Variants in SEC22C observed in about 807,000 individuals in gnomAD.
SEC22C encodes the protein vesicle-trafficking protein SEC22c.
A neutral mutation model predicts 34.7 loss-of-function variants in SEC22C; 29 were observed. The ratio of observed to expected loss-of-function variants is 0.84; its 90% CI spans 0.62 to 1.14. The LOEUF (loss-of-function observed/expected upper bound fraction) is 1.14. SEC22C is among the 50% of genes most tolerant of loss of function. SEC22C has a pLI of 0.00. For synonymous variants in SEC22C, 117 were observed against 132.8 expected (o/e 0.88, Z 0.82); for missense variants, 337 against 369.0 (o/e 0.91, Z 0.71).
upstream of SEC22C, among the ~76,000 whole-genome samples, chr3:42,582,797 T>C (rs1244515508): frequency 1.3e-5 from 2 of 152,120 alleles, no homozygotes; most frequent in South Asian, 2.1e-4. Flanking sequence ...ATGGAGAGAT[T>C]AGCATGTATA....
At chr3:42,587,274 G>A (rs1704643607) in intron 1 of SEC22C, 1 of 152,204 alleles carries the variant, frequency 6.6e-6, no homozygotes, top group South Asian at 2.1e-4. Flanking sequence ...CTGGACACCT[G>A]TGTCCTGCTT....
At chr3:42,560,118 CTCTA>C (rs57863658) in intron 4 of SEC22C, among the ~76,000 whole-genome samples, 6,015 of 90,366 alleles carry the variant, frequency 0.067, 295 homozygotes, top group African/African-American at 0.22. Flanking sequence ...CTCTCTCTCT[CTCTA>C]TATATATATA....
At chr3:42,578,453 A>C (rs755223332) in intron 1 of SEC22C, among the ~76,000 whole-genome samples, 5 of 152,192 alleles carry the variant, frequency 3.3e-5, no homozygotes, top group African/African-American at 1.2e-4. Flanking sequence ...ATGAATGAAC[A>C]GCCAAAGGCA....
upstream of SEC22C, chr3:42,582,330 T>C (rs1437738872): frequency 1.3e-5 from 2 of 152,264 alleles, no homozygotes; most frequent in Non-Finnish European, 1.5e-5. Context: ...GACAGAGTGA[T>C]AACGCCCGGG....
intron 1 of SEC22C, among the ~76,000 whole-genome samples, chr3:42,580,671 A>G (rs1474928733): frequency 6.6e-6 from 1 of 152,258 alleles, no homozygotes; most frequent in African/African-American, 2.4e-5. Context: ...GGAAAACTGC[A>G]GCTGTAAGGC....
At chr3:42,594,195 T>C (rs1014496862) in intron 1 of SEC22C, among the ~76,000 whole-genome samples, 2 of 152,252 alleles carry the variant, frequency 1.3e-5, no homozygotes, top group African/African-American at 4.8e-5. Context: ...AGGTGTCTAC[T>C]GCAATAGTTC....
At chr3:42,554,924 T>C (rs992605151) in intron 6 of SEC22C, among the ~76,000 whole-genome samples, 40 of 152,150 alleles carry the variant, frequency 2.6e-4, no homozygotes, top group African/African-American at 9.4e-4. Flanking sequence ...TGTTCTAATG[T>C]TTGCTTCAGT....
chr3:42,551,502 C>T lies in SEC22C; in HGVS notation c.*1746G>A, dbSNP rs576571476. 2.7e-4 allele frequency: 130 copies of T among 486,836 alleles called. No homozygotes were observed. The highest frequency in any genetic ancestry group is 2.1e-3 in the African/African-American group (102 of 47,586). The allele number at this position is 486,836 out of a possible 1,614,324, so 30.2% of individuals were successfully genotyped here. Reference sequence around the variant, plus strand: ...GATTACAGGCATGTGCCATCACATCCGGCTAATTTTTTTTTTTGTAGAGAT... The same window carrying T: ...GATTACAGGCATGTGCCATCACATCTGGCTAATTTTTTTTTTTGTAGAGAT... On this transcript the variant is annotated 3_prime_UTR_variant, in exon 7 of 7. Transcript: ENST00000264454.
chr3:42,570,189 C>G (rs1019586489), intron 1 of SEC22C, among the ~76,000 whole-genome samples: 1 of 152,186 alleles, frequency 6.6e-6, no homozygotes, highest in Non-Finnish European at 1.5e-5. Flanking sequence ...AAGATGCACA[C>G]TACTCTTCAT....
intron 1 of SEC22C, chr3:42,573,426 G>A (rs922716073): frequency 1.3e-5 from 2 of 152,400 alleles, no homozygotes. Flanking sequence ...TTGGGAGGCT[G>A]AGGCAGGAGA....
chr3:42,563,908 T>C (rs1703081315), intron 2 of SEC22C: 1 of 1,438,328 alleles, frequency 7.0e-7, no homozygotes, highest in East Asian at 3.1e-5. Flanking sequence ...TGACAGCCTG[T>C]GATCACTCTT....
rs35532938 is a variant in SEC22C, at chr3:42,557,557, T to TTTA, written c.645+20_645+21insTAA. ...ATATGTCCTTCAATTTAAACTGTTT[T>TTTA]AAAAAAAAAAAAAAGGTTACCTGTA... is the stretch of plus-strand genomic sequence containing the variant. On this transcript the variant is annotated intron_variant, in intron 5 of 6. Coordinates refer to ENST00000264454, the MANE Select transcript of SEC22C (RefSeq NM_032970.4). 1.1e-4 allele frequency: 115 copies of TTTA among 1,005,528 alleles called. No homozygotes were observed. The African/African-American group carries it at 1.6e-3, about 14-fold the overall frequency. 62.3% of individuals were successfully genotyped at this position (1,005,528 alleles called of 1,614,324 possible).
At chr3:42,570,462 C>A (rs1339244623) in intron 1 of SEC22C, among the ~76,000 whole-genome samples, 1 of 152,136 alleles carries the variant, frequency 6.6e-6, no homozygotes, top group South Asian at 2.1e-4. Flanking sequence ...ATTATTACCA[C>A]AATATACATG....
rs1034007695 is a variant in SEC22C, at chr3:42,549,593, C to T, written c.*3655G>A. On this transcript the variant is annotated 3_prime_UTR_variant, in exon 7 of 7. Coordinates refer to ENST00000264454, the MANE Select transcript of SEC22C (RefSeq NM_032970.4). ...TCCTCTCCAAGACTTGACTCCCAGG[C>T]ATGGGTGGGAGAGTTGAACCTCAAT... is the stretch of plus-strand genomic sequence containing the variant. 2.0e-6 allele frequency: 2 copies of T among 985,048 alleles called. No homozygotes were observed. Among genetic ancestry groups the T allele is most frequent in the Non-Finnish European group, 2.4e-6 (2 of 829,850 alleles). The allele number at this position is 985,048 out of a possible 1,614,324, so 61.0% of individuals were successfully genotyped here. A position where few individuals can be genotyped will look rare whatever the true frequency, so the allele number is the denominator to read the frequency against.
chr3:42,551,393 G>C lies in SEC22C; in HGVS notation c.*1855C>G. The C allele has an allele frequency of 1.1e-6, 1 of 946,738 alleles. No individual in the cohort carries two copies. The highest frequency in any genetic ancestry group is 5.5e-4 in the Middle Eastern group (1 of 1,834). 58.6% of individuals were successfully genotyped at this position (946,738 alleles called of 1,614,324 possible). The stretch of plus-strand genomic sequence containing the variant: ...GTTTCACTCTGTCATGCAGGCTGGG[G>C]TGCAGTGGTGTGATTATAGCTCATG... On this transcript the variant is annotated 3_prime_UTR_variant, in exon 7 of 7. Transcript: ENST00000264454.
At chr3:42,598,326 ATTT>A (rs1417431695) in intron 1 of SEC22C, among the ~76,000 whole-genome samples, 10 of 140,802 alleles carry the variant, frequency 7.1e-5, no homozygotes, top group Non-Finnish European at 9.3e-5. Context: ...AAAAGAACAA[ATTT>A]TTTTTTTTTT....
intron 1 of SEC22C, among the ~76,000 whole-genome samples, chr3:42,599,684 T>G (rs1281253119): frequency 6.8e-6 from 1 of 147,624 alleles, no homozygotes; most frequent in Non-Finnish European, 1.5e-5. Flanking sequence ...AGAGCGAGAC[T>G]CCGTCTCAAA....
At position 42,550,679 on chromosome 3, in the gene SEC22C, T is replaced by A; in HGVS notation, c.*2569A>T. ...CACATTCGACCTGGTGTGGATAACA[T>A]CTCTGGTAGTGCCTCGGTGGTCAGG... On this transcript the variant is annotated 3_prime_UTR_variant, in exon 7 of 7. Transcript: ENST00000264454. 2 of 985,194 alleles carry A rather than the reference T, an allele frequency of 2.0e-6. No individual in the cohort carries two copies. Among genetic ancestry groups the A allele is most frequent in the Non-Finnish European group, 2.4e-6 (2 of 829,888 alleles). The allele number at this position is 985,194 out of a possible 1,614,324, so 61.0% of individuals were successfully genotyped here. A position where few individuals can be genotyped will look rare whatever the true frequency, so the allele number is the denominator to read the frequency against.
chr3:42,589,645 C>T (rs1221124313), intron 1 of SEC22C, among the ~76,000 whole-genome samples: 1 of 152,184 alleles, frequency 6.6e-6, no homozygotes, highest in Non-Finnish European at 1.5e-5. Flanking sequence ...CTCACAGGAG[C>T]GTGAACCCTA....
Sources: allele counts gnomAD v4.1 joint callset (sites outside exome capture counted in the v4.1 genomes callset), GRCh38; gene constraint gnomAD v4.1.1; transcripts MANE v1.5; gene names NCBI Gene and HGNC (gene_info 2026-07-23, HGNC 2026-07-21).